Variants in ELOVL7 observed in about 807,000 individuals in gnomAD.
The protein encoded by ELOVL7 is very long chain fatty acid elongase 7.
Under a neutral mutation model 35.7 loss-of-function variants are expected in ELOVL7, and 27 were observed. The observed-to-expected ratio is 0.76, with a 90% CI of 0.56 to 1.04. ELOVL7 has a LOEUF of 1.04. Among genes scored for constraint, ELOVL7 ranks in the 50% least tolerant of loss-of-function variants. The pLI, the probability that ELOVL7 is intolerant of heterozygous loss-of-function variation, is 0.00. For synonymous variants in ELOVL7, 113 were observed against 114.6 expected, an observed-to-expected ratio of 0.99 and a Z score of 0.09; for missense variants, 327 against 340.8, an observed-to-expected ratio of 0.96 and a Z score of 0.32.
At chr5:60,822,724 AG>A (rs1330143055) in intron 1 of ELOVL7, among the ~76,000 whole-genome samples, 1 of 152,218 alleles carries the variant, frequency 6.6e-6, no homozygotes, top group African/African-American at 2.4e-5. Flanking sequence ...CCATCACTTA[AG>A]GGGAAGGCCA....
At chr5:60,764,386 G>C in intron 6 of ELOVL7, 54 bp from the exon 7 acceptor site, 4 of 1,344,730 alleles carry the variant, frequency 3.0e-6, no homozygotes, top group Middle Eastern at 1.8e-4. Flanking sequence ...ATAGTGTATT[G>C]AGTATTATAA....
chr5:60,769,685 G>A (rs578099456), intron 4 of ELOVL7, among the ~76,000 whole-genome samples: 3 of 152,298 alleles, frequency 2.0e-5, no homozygotes, highest in Admixed American at 1.3e-4. Context: ...TTTAAATAGA[G>A]TAGAAAGTTT....
intron 8 of ELOVL7, 100 bp from the exon 9 acceptor site, chr5:60,754,933 T>C (rs1741446955): frequency 1.1e-6 from 1 of 935,926 alleles, no homozygotes; most frequent in Non-Finnish European, 1.6e-6. Flanking sequence ...GGGAGTGCAC[T>C]ATTGGGCAAA....
chr5:60,778,161 G>T (rs533487129), intron 3 of ELOVL7, among the ~76,000 whole-genome samples: 2 of 152,130 alleles, frequency 1.3e-5, no homozygotes, highest in African/African-American at 4.8e-5. Context: ...AGCTTTCTAG[G>T]ATGTCTCGTT....
chr5:60,800,653 G>A (rs1215949128), intron 1 of ELOVL7, among the ~76,000 whole-genome samples: 1 of 152,136 alleles, frequency 6.6e-6, no homozygotes, highest in Admixed American at 6.5e-5. Flanking sequence ...CACGATCAAG[G>A]TGCCAGCAAG....
At chr5:60,811,311 G>T (rs1745225444) in intron 1 of ELOVL7, among the ~76,000 whole-genome samples, 1 of 152,090 alleles carries the variant, frequency 6.6e-6, no homozygotes, top group African/African-American at 2.4e-5. Context: ...TAGCATAGAA[G>T]ATAGTATAGT....
intron 1 of ELOVL7, among the ~76,000 whole-genome samples, chr5:60,801,816 C>T (rs922570826): frequency 1.3e-5 from 2 of 152,072 alleles, no homozygotes; most frequent in Non-Finnish European, 2.9e-5. Context: ...ACTCCATCTC[C>T]TCCTGCCCTT....
chr5:60,782,748 ATATTTATATAAGAAGAGTAGAATGGTGGT>A (rs1372443404), intron 3 of ELOVL7, among the ~76,000 whole-genome samples: 2 of 152,210 alleles, frequency 1.3e-5, no homozygotes, highest in African/African-American at 2.4e-5. Context: ...TAAAATAATC[ATATTTATATAAGAAGAGTAGAATGGTGGT>A]TACCAGAGGC....
intron 1 of ELOVL7, among the ~76,000 whole-genome samples, chr5:60,818,806 G>A (rs923410870): frequency 6.6e-6 from 1 of 151,380 alleles, no homozygotes; most frequent in Non-Finnish European, 1.5e-5. Flanking sequence ...AGGAATTCGA[G>A]ACCAGCCTGG....
At chr5:60,761,900 C>T (rs1323389872) in intron 7 of ELOVL7, among the ~76,000 whole-genome samples, 1 of 151,934 alleles carries the variant, frequency 6.6e-6, no homozygotes, top group East Asian at 1.9e-4. Context: ...GCGGCATATT[C>T]GATATTGAAG....
intron 3 of ELOVL7, among the ~76,000 whole-genome samples, chr5:60,781,890 G>T (rs1743277592): frequency 6.6e-6 from 1 of 152,150 alleles, no homozygotes; most frequent in South Asian, 2.1e-4. Context: ...ATTTCATAGA[G>T]GATTGATTGA....
intron 7 of ELOVL7, among the ~76,000 whole-genome samples, chr5:60,760,589 C>T (rs377597687): frequency 5.3e-5 from 8 of 152,040 alleles, no homozygotes; most frequent in African/African-American, 1.2e-4. Context: ...TTTTGTAGGT[C>T]GCCTGTTCAC....
At chr5:60,795,638 T>C (rs1200232845) in intron 2 of ELOVL7, among the ~76,000 whole-genome samples, 1 of 152,218 alleles carries the variant, frequency 6.6e-6, no homozygotes, top group Non-Finnish European at 1.5e-5. Context: ...TGAATGCCGA[T>C]GTCGGAGACT....
At chr5:60,833,191 C>G (rs1010389787) in intron 1 of ELOVL7, among the ~76,000 whole-genome samples, 10 of 152,164 alleles carry the variant, frequency 6.6e-5, no homozygotes, top group African/African-American at 2.4e-4. Flanking sequence ...AGCAATTGGG[C>G]TCTAGTTGGG....
intron 4 of ELOVL7, among the ~76,000 whole-genome samples, chr5:60,770,845 G>A (rs1034653159): frequency 6.6e-6 from 1 of 152,172 alleles, no homozygotes; most frequent in Non-Finnish European, 1.5e-5. Context: ...CCACGGGCGT[G>A]CACCGCCACG....
At chr5:60,801,412 C>A (rs1455099437) in intron 1 of ELOVL7, among the ~76,000 whole-genome samples, 2 of 152,154 alleles carry the variant, frequency 1.3e-5, no homozygotes, top group African/African-American at 4.8e-5. Context: ...CTAGAAAACC[C>A]TAAAGAGTAC....
At chr5:60,820,889 A>AC (rs2112352528) in intron 1 of ELOVL7, among the ~76,000 whole-genome samples, 1 of 152,152 alleles carries the variant, frequency 6.6e-6, no homozygotes, top group Admixed American at 6.5e-5. Context: ...TTGGCCACAC[A>AC]CAGAAGGAAG....
intron 2 of ELOVL7, among the ~76,000 whole-genome samples, chr5:60,792,067 G>A (rs1743972063): frequency 6.6e-6 from 1 of 152,002 alleles, no homozygotes; most frequent in African/African-American, 2.4e-5. Flanking sequence ...AACTATACAA[G>A]ACTGAGACGA....
chr5:60,815,389 A>G (rs1745460005), intron 1 of ELOVL7, among the ~76,000 whole-genome samples: 1 of 152,230 alleles, frequency 6.6e-6, no homozygotes, highest in African/African-American at 2.4e-5. Context: ...AGGTAATGAA[A>G]TAAGCAGATG....
Sources: allele counts gnomAD v4.1 joint callset (sites outside exome capture counted in the v4.1 genomes callset), GRCh38; gene constraint gnomAD v4.1.1; transcripts MANE v1.5; gene names NCBI Gene and HGNC (gene_info 2026-07-23, HGNC 2026-07-21).